MRPL37: variants seen among roughly 807,000 people sequenced by gnomAD.
The protein encoded by MRPL37 is mitochondrial ribosomal protein L37.
Under a neutral mutation model 44.1 loss-of-function variants are expected in MRPL37, and 34 were observed. That is an observed-to-expected ratio of 0.77 (90% CI 0.59 to 1.03). MRPL37 has a LOEUF of 1.03. Among genes scored for constraint, MRPL37 ranks in the 50% least tolerant of loss-of-function variants. The pLI is 0.00. For synonymous variants in MRPL37, 212 were observed against 219.5 expected, an observed-to-expected ratio of 0.97 and a Z score of 0.30; for missense variants, 532 against 543.7, an observed-to-expected ratio of 0.98 and a Z score of 0.21.
At position 54,210,812 on chromosome 1, in the gene MRPL37, A is replaced by G. The variant is rs1371322257; in HGVS notation, c.832+681A>G. ...CAGCTGGTCTGTCTGACCCCACACTATTTTCTCTCTGGTCCATCTAGTTCA... is the reference window on the plus strand; with the variant it reads ...CAGCTGGTCTGTCTGACCCCACACTGTTTTCTCTCTGGTCCATCTAGTTCA... On this transcript the variant is annotated intron_variant, in intron 4 of 6. Coordinates refer to ENST00000360840, the MANE Select transcript of MRPL37 (RefSeq NM_016491.4). 2.6e-5 allele frequency among the ~76,000 whole-genome samples: 4 copies of G among 151,490 alleles called. No individual in the cohort carries two copies. The East Asian group carries it at 7.7e-4, about 29-fold the overall frequency.
At chr1:54,224,242 A>T (rs1230488970), downstream of MRPL37, among the ~76,000 whole-genome samples, 1 of 152,170 alleles carries the variant, frequency 6.6e-6, no homozygotes, top group Non-Finnish European at 1.5e-5. Flanking sequence ...CCAATAGTTC[A>T]AAGGTGTCTG....
intron 5 of MRPL37, among the ~76,000 whole-genome samples, chr1:54,213,518 G>T (rs896977465): frequency 1.3e-5 from 2 of 152,132 alleles, no homozygotes; most frequent in Non-Finnish European, 2.9e-5. Flanking sequence ...TGCCCAGATT[G>T]AGCACCTGCT....
chr1:54,204,873 G>T, intron 1 of MRPL37, 145 bp from the exon 2 acceptor site: 1 of 853,312 alleles, frequency 1.2e-6, no homozygotes, highest in Non-Finnish European at 1.8e-6. Flanking sequence ...CTTCACTTTT[G>T]GTTCTATCCC....
At chr1:54,206,692 G>A (rs906051139) in intron 3 of MRPL37, among the ~76,000 whole-genome samples, 5 of 151,922 alleles carry the variant, frequency 3.3e-5, no homozygotes, top group African/African-American at 9.7e-5. Flanking sequence ...TTACAGACAT[G>A]AGCCACTGTT....
downstream of MRPL37, chr1:54,225,073 G>C: frequency 1.6e-6 from 2 of 1,233,330 alleles, no homozygotes; most frequent in Non-Finnish European, 2.0e-6. Context: ...GGCCGATAGC[G>C]ACTCCCCATA....
At position 54,200,438 on chromosome 1, in the gene MRPL37, C is replaced by T. The variant is rs1443204707; in HGVS notation, c.195C>T (p.His65=). The T allele has an allele frequency of 3.7e-6, 6 of 1,614,150 alleles. No homozygotes were observed. In the African/African-American group the frequency reaches 6.7e-5, roughly 18 times the overall value. ...CCATCACCTTTGCGGGGAAGATGCACTTCGTGCCCTGGCTGGCGCGGCCGA... is the reference window on the plus strand; with the variant it reads ...CCATCACCTTTGCGGGGAAGATGCATTTCGTGCCCTGGCTGGCGCGGCCGA... ...LEPITFAGKM[H]FVPWLARPIF... Residue 65 remains histidine, a synonymous_variant, in exon 1 of 7, where the codon CAC becomes CAT. Coordinates refer to ENST00000360840, the MANE Select transcript of MRPL37 (RefSeq NM_016491.4).
At chr1:54,207,048 G>C (rs1328887477) in intron 3 of MRPL37, among the ~76,000 whole-genome samples, 1 of 152,122 alleles carries the variant, frequency 6.6e-6, no homozygotes, top group Non-Finnish European at 1.5e-5. Context: ...CACCGTGCTT[G>C]GCCCGCTGCT....
At chr1:54,216,411 G>C in intron 6 of MRPL37, 67 bp downstream of exon 6, 1 of 1,561,132 alleles carries the variant, frequency 6.4e-7, no homozygotes, top group Non-Finnish European at 8.7e-7. Context: ...GTGAGCCTCA[G>C]GTGGGATTGC....
rs1412156122 is a variant in MRPL37, at chr1:54,205,021, T to C, written c.350T>C (p.Val117Ala). The change falls in exon 2 of 7, where the codon GTA (valine) becomes GCA (alanine). Residue 117 changes from valine to alanine, a missense_variant. Transcript: ENST00000360840. ...TTTGTGGCTAATTACCTCAAAGGTG[T>C]AAAGCAGGCCCTCTGGCTCACCAAG... is the stretch of plus-strand genomic sequence containing the variant. The part of the protein sequence containing the change: ...FHHRCRLLEG[V>A]KQALWLTKTK... The C allele has an allele frequency of 6.2e-7, 1 of 1,613,384 alleles. No homozygotes were observed. The highest frequency in any genetic ancestry group is 1.7e-5 in the Admixed American group (1 of 59,856).
At chr1:54,216,489 C>T (rs2100515740) in intron 6 of MRPL37, 145 bp downstream of exon 6, 1 of 933,754 alleles carries the variant, frequency 1.1e-6, no homozygotes, top group Middle Eastern at 3.3e-4. Context: ...CTGGAGGACT[C>T]CTTCAGTCCC....
At chr1:54,220,118 C>T (rs779148500), downstream of MRPL37, among the ~76,000 whole-genome samples, 2 of 151,750 alleles carry the variant, frequency 1.3e-5, no homozygotes, top group East Asian at 1.9e-4. Flanking sequence ...GGTGGGATGG[C>T]GGTAGGGAGT....
chr1:54,208,548 C>CAAAA (rs57185627), intron 3 of MRPL37, among the ~76,000 whole-genome samples: 8,948 of 70,292 alleles, frequency 0.13, 1,082 homozygotes, highest in East Asian at 0.42. Flanking sequence ...GACTCCGTCT[C>CAAAA]AAAAAAAAAA....
chr1:54,210,486 G>A (rs1234833259), intron 4 of MRPL37, among the ~76,000 whole-genome samples: 4 of 151,934 alleles, frequency 2.6e-5, no homozygotes, highest in African/African-American at 9.7e-5. Context: ...TTATTCATAG[G>A]TCCCATGAAA....
downstream of MRPL37, among the ~76,000 whole-genome samples, chr1:54,224,684 T>A (rs981841476): frequency 1.4e-5 from 2 of 140,506 alleles, no homozygotes; most frequent in African/African-American, 2.6e-5. Context: ...GCTACAAGCC[T>A]AGAATGAGGT....
chr1:54,212,001 A>G (rs572720219), intron 4 of MRPL37, among the ~76,000 whole-genome samples: 1 of 152,334 alleles, frequency 6.6e-6, no homozygotes, highest in Non-Finnish European at 1.5e-5. Flanking sequence ...GAGGCAAGTC[A>G]TTTGTCACTA....
intron 3 of MRPL37, among the ~76,000 whole-genome samples, chr1:54,208,856 T>A (rs7547210): frequency 0.9 from 136,617 of 151,954 alleles, 61,550 homozygotes; most frequent in East Asian, 0.95. Flanking sequence ...GTGTGGGGAG[T>A]TGGGATGGGG....
chr1:54,206,214 G>A (rs1357286939), intron 3 of MRPL37, among the ~76,000 whole-genome samples: 6 of 152,172 alleles, frequency 3.9e-5, no homozygotes, highest in African/African-American at 1.4e-4. Context: ...CCGGGTTCAC[G>A]CCATTCTTCT....
chr1:54,204,950 C>A, intron 1 of MRPL37, 68 bp from the exon 2 acceptor site: 1 of 1,518,946 alleles, frequency 6.6e-7, no homozygotes, highest in Non-Finnish European at 8.9e-7. Flanking sequence ...TGCTACCTGG[C>A]AGGTGTAAGC....
rs192924356 is a variant in MRPL37 at position 54,202,708 on chromosome 1, T to G, written c.346+2119T>G. 1.5e-3 allele frequency among the ~76,000 whole-genome samples: 236 copies of G among 152,262 alleles called. 2 individuals carry two copies. Among genetic ancestry groups the G allele is most frequent in the African/African-American group, 5.3e-3 (222 of 41,546 alleles). On this transcript the variant is annotated intron_variant, in intron 1 of 6. Transcript: ENST00000360840. ...TTGTAGAGATGGGGTTACACCACAT[T>G]GGCCAGGCTGGTCTCAAAGCAATCT...
Sources: gnomAD v4.1 joint callset for allele counts (sites outside exome capture counted in the v4.1 genomes callset) on GRCh38, gnomAD v4.1.1 for gene constraint, MANE v1.5 for transcripts, NCBI Gene and HGNC (gene_info 2026-07-23, HGNC 2026-07-21) for gene names.